The following METTL15 variants were observed in gnomAD, a reference collection of about 807,000 sequenced individuals.
METTL15 encodes 12S rRNA N(4)-cytidine methyltransferase METTL15.
In METTL15, 34 loss-of-function variants were observed where a neutral mutation model predicts 38.3. That is an observed-to-expected ratio of 0.89 (90% CI 0.68 to 1.18). The LOEUF (loss-of-function observed/expected upper bound fraction) is 1.18, where lower values mean the gene tolerates loss of function less well. Ranked by LOEUF, METTL15 falls within the 50% of genes most tolerant of loss-of-function variation. The pLI is 0.00. For synonymous variants in METTL15, 162 were observed against 170.9 expected (o/e 0.95, Z 0.41); for missense variants, 438 against 498.4 (o/e 0.88, Z 1.15).
At chr11:28,229,240 T>G (rs1250233029) in intron 4 of METTL15, among the ~76,000 whole-genome samples, 1 of 152,000 alleles carries the variant, frequency 6.6e-6, no homozygotes, top group Non-Finnish European at 1.5e-5. Context: ...TTGGAAACTT[T>G]CATTGGCATA....
intron 6 of METTL15, among the ~76,000 whole-genome samples, chr11:28,431,810 A>AAAAAAAAAAAAAAAAAAG (rs1850933877): frequency 8.9e-4 from 6 of 6,752 alleles, no homozygotes; most frequent in Admixed American, 8.5e-3. Context: ...AAAAAAAAGA[A>AAAAAAAAAAAAAAAAAAG]AAAAAAAAAA....
chr11:28,144,807 C>G (rs1849822977), intron 3 of METTL15: 1 of 153,104 alleles, frequency 6.5e-6, no homozygotes, highest in Non-Finnish European at 1.5e-5. Flanking sequence ...TTTTTATTGA[C>G]ACACTTTATT....
chr11:28,364,648 C>A (rs1388970212), intron 5 of METTL15, among the ~76,000 whole-genome samples: 1 of 152,108 alleles, frequency 6.6e-6, no homozygotes, highest in Non-Finnish European at 1.5e-5. Context: ...TTGGCTTATT[C>A]TATTTCTACT....
At chr11:28,281,810 G>A (rs1856066230) in intron 4 of METTL15, among the ~76,000 whole-genome samples, 1 of 152,104 alleles carries the variant, frequency 6.6e-6, no homozygotes, top group Non-Finnish European at 1.5e-5. Context: ...AGATGAATAT[G>A]TCTGCAACTC....
chr11:28,364,093 A>G (rs921491653), intron 5 of METTL15, among the ~76,000 whole-genome samples: 2 of 152,168 alleles, frequency 1.3e-5, no homozygotes, highest in Admixed American at 6.5e-5. Context: ...GGCTTCTAAT[A>G]TAGCTTGCAG....
intron 6 of METTL15, among the ~76,000 whole-genome samples, chr11:28,448,494 G>A (rs148166736): frequency 1.2e-3 from 184 of 152,282 alleles, no homozygotes; most frequent in African/African-American, 4.3e-3. Flanking sequence ...AGATTGCTAT[G>A]TTTGGGCTGG....
intron 4 of METTL15, among the ~76,000 whole-genome samples, chr11:28,227,318 T>C (rs778966545): frequency 6.6e-6 from 1 of 151,900 alleles, no homozygotes; most frequent in Non-Finnish European, 1.5e-5. Context: ...TTACAACTAA[T>C]TATTTAATTA....
intron 6 of METTL15, among the ~76,000 whole-genome samples, chr11:28,311,223 TTCTC>T (rs1409635108): frequency 3.3e-5 from 5 of 152,124 alleles, no homozygotes; most frequent in African/African-American, 1.2e-4. Flanking sequence ...TCCTTTCTCT[TTCTC>T]AGTGAGAGAA....
At chr11:28,511,439 C>T (rs922675603) in intron 6 of METTL15, among the ~76,000 whole-genome samples, 1 of 152,166 alleles carries the variant, frequency 6.6e-6, no homozygotes, top group Non-Finnish European at 1.5e-5. Context: ...TTGGTGGGTT[C>T]TTGGTCTCAC....
intron 3 of METTL15, among the ~76,000 whole-genome samples, chr11:28,192,351 A>T (rs776356636): frequency 6.6e-6 from 1 of 151,818 alleles, no homozygotes; most frequent in Non-Finnish European, 1.5e-5. Context: ...TGAATGTTGA[A>T]CCAGCCTTGC....
intron 6 of METTL15, among the ~76,000 whole-genome samples, chr11:28,324,182 G>C (rs1426679786): frequency 1.3e-5 from 2 of 152,164 alleles, no homozygotes; most frequent in Non-Finnish European, 2.9e-5. Flanking sequence ...GAGAAAATTT[G>C]TGGTTTAGGA....
intron 4 of METTL15, among the ~76,000 whole-genome samples, chr11:28,267,936 G>A (rs1036217927): frequency 7.9e-5 from 12 of 152,080 alleles, no homozygotes; most frequent in African/African-American, 9.7e-5. Flanking sequence ...GGTGGCTCAC[G>A]CCTGTAATCC....
At chr11:28,275,208 T>G (rs1308549903) in intron 4 of METTL15, among the ~76,000 whole-genome samples, 1 of 151,172 alleles carries the variant, frequency 6.6e-6, no homozygotes, top group Non-Finnish European at 1.5e-5. Flanking sequence ...ACAAAATTGA[T>G]AAGCCACTAG....
In METTL15 at chr11:28,270,287, A is replaced by G. The variant is rs765703992; in HGVS notation, c.408-19919A>G. 3.3e-5 allele frequency among the ~76,000 whole-genome samples: 5 copies of G among 152,302 alleles called. No individual in the cohort carries two copies. In the South Asian group the frequency reaches 8.3e-4, roughly 25 times the overall value. ...ATTGCATATAGTTATCATGGACAAC[A>G]TGTTGTTTTGAAATATGTATACGTT... On this transcript the variant is annotated intron_variant, in intron 4 of 6. Transcript: ENST00000407364.
intron 4 of METTL15, among the ~76,000 whole-genome samples, chr11:28,257,153 A>T (rs1042598211): frequency 1.1e-4 from 17 of 152,108 alleles, no homozygotes; most frequent in African/African-American, 2.9e-4. Context: ...TTTTTACTGG[A>T]TATACTATTC....
chr11:28,204,386 G>A (rs182980136), intron 3 of METTL15, among the ~76,000 whole-genome samples: 1 of 140,012 alleles, frequency 7.1e-6, no homozygotes, highest in East Asian at 2.2e-4. Context: ...TAACTTACTA[G>A]TAATAGGATC....
At chr11:28,237,828 A>C (rs1443344201) in intron 4 of METTL15, among the ~76,000 whole-genome samples, 1 of 152,044 alleles carries the variant, frequency 6.6e-6, no homozygotes, top group African/African-American at 2.4e-5. Flanking sequence ...AACAGACAGG[A>C]CCCTCAGCTG....
chr11:28,353,070 G>A (rs778035006), intron 4 of METTL15, among the ~76,000 whole-genome samples: 5 of 152,094 alleles, frequency 3.3e-5, no homozygotes, highest in African/African-American at 2.4e-5. Flanking sequence ...GTGTCATACA[G>A]CCATATTCAG....
chr11:28,367,478 A>G (rs1850198075), intron 5 of METTL15, among the ~76,000 whole-genome samples: 1 of 152,196 alleles, frequency 6.6e-6, no homozygotes, highest in South Asian at 2.1e-4. Flanking sequence ...ACCACTGCTC[A>G]AGGAAATAAG....
Sources: allele counts gnomAD v4.1 joint callset (sites outside exome capture counted in the v4.1 genomes callset), GRCh38; gene constraint gnomAD v4.1.1; transcripts MANE v1.5; gene names NCBI Gene and HGNC (gene_info 2026-07-23, HGNC 2026-07-21).